The following RPS3 variants were observed in gnomAD, a reference collection of about 807,000 sequenced individuals.
RPS3 encodes ribosomal protein S3, also known as small ribosomal subunit protein uS3.
A neutral mutation model predicts 25.8 loss-of-function variants in RPS3; 2 were observed. The observed-to-expected ratio is 0.08, with a 90% CI of 0.03 to 0.24. The LOEUF is 0.24. Among genes scored for constraint, RPS3 ranks in the 10% least tolerant of loss-of-function variants. The probability of loss-of-function intolerance (pLI) is 1.00; values close to 1 mark genes in which losing one functional copy is unlikely to be tolerated. For synonymous variants in RPS3, 114 were observed against 114.2 expected, an observed-to-expected ratio of 1.00 and a Z score of 0.01; for missense variants, 107 against 307.1, an observed-to-expected ratio of 0.35 and a Z score of 4.87.
chr11:75,417,920 T>C (rs1293924850), intron 6 of RPS3, among the ~76,000 whole-genome samples: 1 of 152,230 alleles, frequency 6.6e-6, no homozygotes, highest in Non-Finnish European at 1.5e-5. Flanking sequence ...ATCAGCTTAC[T>C]ACTGTGTGAG....
chr11:75,412,184 T>C (rs1948363092), intron 6 of RPS3, among the ~76,000 whole-genome samples: 1 of 152,226 alleles, frequency 6.6e-6, no homozygotes, highest in Admixed American at 6.5e-5. Flanking sequence ...AGAACTTAGT[T>C]GAAACTTGCC....
intron 6 of RPS3, among the ~76,000 whole-genome samples, chr11:75,420,047 C>T (rs942140188): frequency 1.1e-4 from 17 of 152,172 alleles, no homozygotes; most frequent in Non-Finnish European, 4.4e-5. Flanking sequence ...GGGTATACCA[C>T]GAGTGAAGTC....
chr11:75,404,446 C>T lies in RPS3; in HGVS notation c.539-226C>T, dbSNP rs749302778. 1.4e-5 allele frequency: 11 copies of T among 787,834 alleles called. 1 individual carries two copies. In the South Asian group the frequency reaches 1.5e-4, roughly 11 times the overall value. The allele number at this position is 787,834 out of a possible 1,614,324, so 48.8% of individuals were successfully genotyped here. On this transcript the variant is annotated intron_variant, in intron 5 of 6. Coordinates refer to ENST00000531188, the MANE Select transcript of RPS3 (RefSeq NM_001005.5). The surrounding 1 kb of genome is among the most constrained non-coding windows in gnomAD (Gnocchi z 4.6). ...CTTCAGTGATGACACGATGACGAGT[C>T]AGAAAGGTCACGTCCTGCTCTTGGT...
intron 6 of RPS3, among the ~76,000 whole-genome samples, chr11:75,420,152 G>A (rs1948431401): frequency 6.6e-6 from 1 of 152,196 alleles, no homozygotes; most frequent in Non-Finnish European, 1.5e-5. Flanking sequence ...CTAAGTGGTA[G>A]CAGGTCCCTC....
At chr11:75,416,202 C>T (rs1163356836) in intron 6 of RPS3, among the ~76,000 whole-genome samples, 1 of 152,180 alleles carries the variant, frequency 6.6e-6, no homozygotes, top group Non-Finnish European at 1.5e-5. Flanking sequence ...AATGCCTGAC[C>T]TATCACAGCA....
intron 3 of RPS3, chr11:75,402,127 T>C (rs1948218745): frequency 1.6e-6 from 1 of 606,146 alleles, no homozygotes; most frequent in African/African-American, 1.8e-5. Flanking sequence ...GTAGGCTACG[T>C]TGGAAGAAGA....
chr11:75,404,524 T>G lies in RPS3; in HGVS notation c.539-148T>G, dbSNP rs1214184211. On this transcript the variant is annotated intron_variant, in intron 5 of 6. Transcript: ENST00000531188. The surrounding 1 kb of genome is among the most constrained non-coding windows in gnomAD (Gnocchi z 4.6). ...TGTGCACGAGTTCCTTTGGCAGAAG[T>G]GTCCTATTTATTGATCGATTTAGAG... 2 of 847,102 alleles carry G rather than the reference T, an allele frequency of 2.4e-6. No individual in the cohort carries two copies. The highest frequency in any genetic ancestry group is 2.4e-5 in the East Asian group (1 of 41,360). The allele number at this position is 847,102 out of a possible 1,614,324, so 52.5% of individuals were successfully genotyped here.
In RPS3 at chr11:75,400,828, A is replaced by G. The variant is rs549504792; in HGVS notation, c.161+4A>G. On this transcript the variant is annotated splice_donor_region_variant and intron_variant, in intron 2 of 6. Transcript: ENST00000531188. The stretch of plus-strand genomic sequence containing the variant: ...AAATCATTATCTTAGCCACCAGGTA[A>G]AACTCATTTGACTGGCCATCACCTA... 2.4e-5 allele frequency: 38 copies of G among 1,610,588 alleles called. 1 individual carries two copies. In the South Asian group the frequency reaches 4.1e-4, roughly 17 times the overall value.
chr11:75,411,374 T>TTTTTA (rs1185488511), downstream of RPS3, among the ~76,000 whole-genome samples: 1 of 151,650 alleles, frequency 6.6e-6, no homozygotes, highest in African/African-American at 2.4e-5. Context: ...CTAGCAAGTA[T>TTTTTA]TTGTATTTTA....
At chr11:75,411,607 G>A (rs1948356864), downstream of RPS3, among the ~76,000 whole-genome samples, 1 of 150,744 alleles carries the variant, frequency 6.6e-6, no homozygotes, top group Non-Finnish European at 1.5e-5. Flanking sequence ...AGCTAGGATG[G>A]TCTCGATCTC....
chr11:75,404,799 C>T lies in RPS3; in HGVS notation c.666C>T (p.Pro222=), dbSNP rs1472712915. 4 of 1,613,828 alleles carry T rather than the reference C, an allele frequency of 2.5e-6. No homozygotes were observed. Among genetic ancestry groups the T allele is most frequent in the Non-Finnish European group, 3.4e-6 (4 of 1,179,914 alleles). Residue 222 remains proline, a synonymous_variant, in exon 6 of 7, where the codon CCC becomes CCT. Transcript: ENST00000531188. This position sits in a 1 kb window ranked among gnomAD's most constrained non-coding sequence, Gnocchi z 4.6. ...EPKDEILPTT[P]ISEQKGGKPE... is the part of the protein sequence containing the mutation. ...AAGATGAGATACTGCCCACCACCCCCATCTCAGAACAGAAGGGTGGGAAGC... is the reference window on the plus strand; with the variant it reads ...AAGATGAGATACTGCCCACCACCCCTATCTCAGAACAGAAGGGTGGGAAGC...
Position 75,404,589 on chromosome 11 carries a change from G to A in RPS3, c.539-83G>A. The A allele has an allele frequency of 7.2e-7, 1 of 1,394,472 alleles. No individual in the cohort carries two copies. Among genetic ancestry groups the A allele is most frequent in the South Asian group, 1.2e-5 (1 of 85,828 alleles). The allele number at this position is 1,394,472 out of a possible 1,614,324, so 86.4% of individuals were successfully genotyped here. A position where few individuals can be genotyped will look rare whatever the true frequency, so the allele number is the denominator to read the frequency against. ...AGGGTCCAGACCCAGGGGTGCTTGAGTAAACTGCTTGCTCTCTTTGGTCTT... is the reference window on the plus strand; with the variant it reads ...AGGGTCCAGACCCAGGGGTGCTTGAATAAACTGCTTGCTCTCTTTGGTCTT... On this transcript the variant is annotated intron_variant, in intron 5 of 6. Transcript: ENST00000531188. The surrounding 1 kb of genome is among the most constrained non-coding windows in gnomAD (Gnocchi z 4.6).
chr11:75,404,943 C>T lies in RPS3; in HGVS notation c.*3+75C>T, dbSNP rs2135057422. The T allele has an allele frequency of 6.2e-6, 6 of 975,190 alleles. No individual in the cohort carries two copies. Among genetic ancestry groups the T allele is most frequent in the Non-Finnish European group, 8.9e-6 (6 of 671,084 alleles). The allele number at this position is 975,190 out of a possible 1,614,324, so 60.4% of individuals were successfully genotyped here. A position where few individuals can be genotyped will look rare whatever the true frequency, so the allele number is the denominator to read the frequency against. On this transcript the variant is annotated intron_variant, in intron 6 of 6. Transcript: ENST00000531188. This position sits in a 1 kb window ranked among gnomAD's most constrained non-coding sequence, Gnocchi z 4.6. ...AGTCTTTCTGTTAATACTTGTATCC[C>T]ACATTCTGGTAAGCGTTTGGTGAAT...
At chr11:75,418,802 C>T (rs1948421651) in intron 6 of RPS3, among the ~76,000 whole-genome samples, 1 of 152,156 alleles carries the variant, frequency 6.6e-6, no homozygotes. Context: ...TGTGCTAACC[C>T]CTCAGCCTGC....
At chr11:75,402,604 C>A in intron 4 of RPS3, 158 bp downstream of exon 4, 1 of 696,920 alleles carries the variant, frequency 1.4e-6, no homozygotes, top group Non-Finnish European at 2.3e-6. Context: ...ACTGAACTGG[C>A]AGGCTAACAA....
chr11:75,403,220 A>T (rs963169097), intron 4 of RPS3: 2 of 152,228 alleles, frequency 1.3e-5, no homozygotes, highest in East Asian at 3.8e-4. Flanking sequence ...GCTTAGAACA[A>T]TGGTTCTCAA....
chr11:75,403,078 ATGCCT>A (rs1948235261), intron 4 of RPS3: 1 of 152,206 alleles, frequency 6.6e-6, no homozygotes, highest in African/African-American at 2.4e-5. Context: ...AGGCACTGAA[ATGCCT>A]TGCCTAGAGG....
chr11:75,410,075 CCCCCT>C (rs1189592019), downstream of RPS3, among the ~76,000 whole-genome samples: 3 of 140,966 alleles, frequency 2.1e-5, no homozygotes, highest in African/African-American at 8.4e-5. Context: ...GGGCTGACCC[CCCCCT>C]CCCCCCTCCC....
At chr11:75,415,824 A>AT (rs1191458196) in intron 6 of RPS3, among the ~76,000 whole-genome samples, 2 of 148,026 alleles carry the variant, frequency 1.4e-5, no homozygotes, top group African/African-American at 4.9e-5. Context: ...AAAAAAAAAA[A>AT]GCCAGGTGTG....
Sources: gnomAD v4.1 joint callset for allele counts (sites outside exome capture counted in the v4.1 genomes callset) on GRCh38, gnomAD v4.1.1 for gene constraint, Gnocchi (gnomAD v3.1) non-coding constraint, MANE v1.5 for transcripts, NCBI Gene and HGNC (gene_info 2026-07-23, HGNC 2026-07-21) for gene names.